The following AATK variants were observed in gnomAD, a reference collection of about 807,000 sequenced individuals.
AATK encodes the protein serine/threonine-protein kinase LMTK1.
In AATK, 91 loss-of-function variants were observed where a neutral mutation model predicts 114.3. The ratio of observed to expected loss-of-function variants is 0.80; its 90% CI spans 0.67 to 0.95. The LOEUF (loss-of-function observed/expected upper bound fraction) is 0.95. AATK is among the 40% of genes least tolerant of loss of function. AATK has a pLI of 0.00. For synonymous variants in AATK, 1,075 were observed against 916.5 expected (o/e 1.17, Z -3.12); for missense variants, 2,176 against 1,965.2 (o/e 1.11, Z -2.03).
chr17:81,118,535 A>C, intron 13 of AATK, 93 bp from the exon 14 acceptor site: 1 of 1,369,786 alleles, frequency 7.3e-7, no homozygotes, highest in South Asian at 1.3e-5. Context: ...CCTGGCCCAC[A>C]TACAGGCCGG....
Position 81,124,990 on chromosome 17 carries a change from C to T in AATK, c.780G>A (p.Leu260=). Residue 260 remains leucine, a synonymous_variant, in exon 8 of 14, where the codon CTG becomes CTA. Transcript: ENST00000326724. ...TCTTCACCGTCAGGTCAGCCGTGAG[C>T]AGGCAGTTCCGCAGGGCCAGGTCGC... is the stretch of plus-strand genomic sequence containing the variant. ...VHSDLALRNC[L]LTADLTVKIG... 1 of 1,573,900 alleles carries T rather than the reference C, an allele frequency of 6.4e-7. No individual in the cohort carries two copies. Among genetic ancestry groups the T allele is most frequent in the Non-Finnish European group, 8.6e-7 (1 of 1,160,168 alleles).
chr17:81,162,777 A>G (rs1432884300), intron 1 of AATK, among the ~76,000 whole-genome samples: 1 of 152,102 alleles, frequency 6.6e-6, no homozygotes, highest in Non-Finnish European at 1.5e-5. Flanking sequence ...GGTCAGACAC[A>G]GGGAGAGACC....
At chr17:81,123,957 G>T (rs575265315) in intron 9 of AATK, among the ~76,000 whole-genome samples, 3 of 152,208 alleles carry the variant, frequency 2.0e-5, no homozygotes, top group Admixed American at 2.0e-4. Context: ...ACCTTGGCCA[G>T]AGCCCTGTGA....
chr17:81,122,511 G>A lies in AATK; in HGVS notation c.1425C>T (p.Leu475=). Residue 475 remains leucine (L), a synonymous_variant, in exon 11 of 14, where the codon CTC becomes CTT. Transcript: ENST00000326724. ...VLTVTETSRG[L]NFEYKWEAGR... is the part of the protein sequence containing the mutation. ...CCGCCTCCCACTTGTACTCAAAATT[G>A]AGGCCTCGGCTGGTCTCGGTCACCG... 1 of 1,475,878 alleles carries A rather than the reference G, an allele frequency of 6.8e-7. No homozygotes were observed. Among genetic ancestry groups the A allele is most frequent in the Non-Finnish European group, 9.0e-7 (1 of 1,109,008 alleles). 91.4% of individuals were successfully genotyped at this position (1,475,878 alleles called of 1,614,324 possible).
Position 81,118,152 on chromosome 17 carries a change from C to G in AATK, c.*250G>C. On this transcript the variant is annotated 3_prime_UTR_variant, in exon 14 of 14. Transcript: ENST00000326724. ...TACAGACACCCACTGTGGCTCCAGG[C>G]GCCCCCAGGGGCTAGCAGCAAGCCT... is the stretch of plus-strand genomic sequence containing the variant. 1.9e-6 allele frequency: 1 copy of G among 539,800 alleles called. No homozygotes were observed. 33.4% of individuals were successfully genotyped at this position (539,800 alleles called of 1,614,324 possible). A position where few individuals can be genotyped will look rare whatever the true frequency, so the allele number is the denominator to read the frequency against.
Position 81,120,719 on chromosome 17 carries a change from G to A in AATK, c.3217C>T (p.Pro1073Ser). 1 of 1,553,212 alleles carries A rather than the reference G, an allele frequency of 6.4e-7. No homozygotes were observed. Among genetic ancestry groups the A allele is most frequent in the South Asian group, 1.2e-5 (1 of 83,714 alleles). Residue 1073 changes from proline to serine, a missense_variant, in exon 11 of 14, where the codon CCC becomes TCC. Physicochemically the swap from Pro to Ser is moderately conservative, Grantham distance 74. Around this residue, in one of 4 missense-constraint regions of AATK, gnomAD observed 1,701 missense variants for 1,394.7 expected, o/e 1.22. Coordinates refer to ENST00000326724, the MANE Select transcript of AATK (RefSeq NM_001080395.3). ...GGAGGCTCTGGGACCAGGCCCGAGG[G>A]GCAGGTGCTGGGCTCTGGGGAGGAC... The part of the protein sequence containing the change: ...EGSSPEPSTC[P>S]SGLVPEPPEP...
Position 81,122,677 on chromosome 17 carries a change from C to A in AATK, c.1259G>T (p.Gly420Val), listed in dbSNP as rs1259601999. The A allele has an allele frequency of 6.6e-7, 1 of 1,524,230 alleles. No homozygotes were observed. Among genetic ancestry groups the A allele is most frequent in the Non-Finnish European group, 8.8e-7 (1 of 1,133,142 alleles). The allele number at this position is 1,524,230 out of a possible 1,614,324, so 94.4% of individuals were successfully genotyped here. ...GGGCCCGGGCCCCACGCCGCCCCCG[C>A]CGGGCCGCAGAGAGCGCCAGCGCCG... ...FERRWRSLRP[G>V]GGGVGPGPGA... is the part of the protein sequence containing the mutation. The change falls in exon 11 of 14, where the codon GGC becomes GTC. Residue 420 changes from glycine (G) to valine (V), a missense_variant. This residue lies in a region of AATK where 1,701 missense variants were observed against 1,394.7 expected (regional missense o/e 1.22). Transcript: ENST00000326724.
intron 2 of AATK, 104 bp from the exon 3 acceptor site, chr17:81,131,309 G>A: frequency 2.1e-6 from 3 of 1,404,578 alleles, no homozygotes; most frequent in African/African-American, 2.9e-5. Context: ...CCCAGGGCAG[G>A]GCAGGAGGGG....
intron 1 of AATK, among the ~76,000 whole-genome samples, chr17:81,142,082 A>G (rs888011317): frequency 1.3e-5 from 2 of 151,732 alleles, no homozygotes; most frequent in Non-Finnish European, 2.9e-5. Flanking sequence ...CAGCCCCCCA[A>G]GTAGCTGGGA....
chr17:81,118,181 A>C lies in AATK; in HGVS notation c.*221T>G, dbSNP rs2060591609. On this transcript the variant is annotated 3_prime_UTR_variant, in exon 14 of 14. Coordinates refer to ENST00000326724, the MANE Select transcript of AATK (RefSeq NM_001080395.3). ...CCCAGGGGCTAGCAGCAAGCCTAAAAGCCCAGACGAATTCTGCCTCTGGGG... is the reference window on the plus strand; with the variant it reads ...CCCAGGGGCTAGCAGCAAGCCTAAACGCCCAGACGAATTCTGCCTCTGGGG... 2 of 569,628 alleles carry C rather than the reference A, an allele frequency of 3.5e-6. No homozygotes were observed. The highest frequency in any genetic ancestry group is 6.2e-6 in the Non-Finnish European group (2 of 320,034). 35.3% of individuals were successfully genotyped at this position (569,628 alleles called of 1,614,324 possible).
chr17:81,127,020 C>T (rs923035993), intron 6 of AATK, among the ~76,000 whole-genome samples: 1 of 141,538 alleles, frequency 7.1e-6, no homozygotes, highest in African/African-American at 2.6e-5. Context: ...CAGACAGCCT[C>T]GGCTCAGTGC....
intron 1 of AATK, among the ~76,000 whole-genome samples, chr17:81,150,905 G>C (rs1195495303): frequency 6.6e-6 from 1 of 152,224 alleles, no homozygotes; most frequent in Non-Finnish European, 1.5e-5. Flanking sequence ...CTGAGTCAAG[G>C]GCAGACGGTA....
intron 9 of AATK, among the ~76,000 whole-genome samples, chr17:81,124,226 G>C (rs567358508): frequency 6.6e-6 from 1 of 152,216 alleles, no homozygotes; most frequent in Non-Finnish European, 1.5e-5. Flanking sequence ...CCCCGGGGCG[G>C]ACCACTCCCC....
intron 12 of AATK, 44 bp from the exon 13 acceptor site, chr17:81,119,624 C>A: frequency 1.3e-6 from 2 of 1,519,788 alleles, no homozygotes; most frequent in East Asian, 2.6e-5. Context: ...CAGCCTGGGA[C>A]CCCGGCCCGG....
chr17:81,160,296 C>T (rs2061414921), intron 1 of AATK: 19 of 983,600 alleles, frequency 1.9e-5, no homozygotes, highest in Non-Finnish European at 2.2e-5. Flanking sequence ...GAGTGACCCC[C>T]GGGAGGACCC....
At chr17:81,159,034 G>T (rs1424615026) in intron 1 of AATK, among the ~76,000 whole-genome samples, 1 of 152,232 alleles carries the variant, frequency 6.6e-6, no homozygotes, top group Non-Finnish European at 1.5e-5. Flanking sequence ...CAGAGACCGA[G>T]ACAGATCGGT....
chr17:81,157,299 C>T (rs1036187751), intron 1 of AATK, among the ~76,000 whole-genome samples: 48 of 152,224 alleles, frequency 3.2e-4, no homozygotes, highest in Admixed American at 1.2e-3. Context: ...CGGGCCGGGT[C>T]CATCCGACAC....
intron 3 of AATK, chr17:81,128,783 G>T: frequency 7.5e-7 from 1 of 1,333,602 alleles, no homozygotes; most frequent in East Asian, 3.2e-5. Context: ...ATCTTTCTGG[G>T]TAGGTCTGGA....
rs2060862490 is a variant in AATK, at chr17:81,127,592, G to A, written c.612C>T (p.Phe204=). 3 of 1,599,504 alleles carry A rather than the reference G, an allele frequency of 1.9e-6. No individual in the cohort carries two copies. Among genetic ancestry groups the A allele is most frequent in the Non-Finnish European group, 2.6e-6 (3 of 1,173,668 alleles). The change falls in exon 6 of 14, where the codon TTC becomes TTT. Residue 204 remains phenylalanine, a synonymous_variant. Coordinates refer to ENST00000326724, the MANE Select transcript of AATK (RefSeq NM_001080395.3). ...EVTPYLLVME[F]CPLGDLKGYL... is the part of the protein sequence containing the mutation. ...CCGGGCAGCAGCTCACCAGTGGGCA[G>A]AACTCCATCACCAGCAGGTAGGGCG... is the stretch of plus-strand genomic sequence containing the variant.
Sources: allele counts gnomAD v4.1 joint callset (sites outside exome capture counted in the v4.1 genomes callset), GRCh38; gene constraint gnomAD v4.1.1; regional missense constraint gnomAD v4.1.1; transcripts MANE v1.5; gene names NCBI Gene and HGNC (gene_info 2026-07-23, HGNC 2026-07-21).